RFPL2: variants seen among roughly 807,000 people sequenced by gnomAD.
The protein encoded by RFPL2 is ret finger protein-like 2.
In RFPL2, 13 loss-of-function variants were observed where a neutral mutation model predicts 17.8. That is an observed-to-expected ratio of 0.73 (90% CI 0.47 to 1.16). RFPL2 has a LOEUF of 1.16. Among genes scored for constraint, RFPL2 ranks in the 50% most tolerant of loss-of-function variants. The pLI is 0.00. For synonymous variants in RFPL2, 189 were observed against 180.9 expected, an observed-to-expected ratio of 1.04 and a Z score of -0.36; for missense variants, 431 against 479.3, an observed-to-expected ratio of 0.90 and a Z score of 0.94.
chr22:32,200,214 G>GC (rs953269998), intron 2 of RFPL2: 7 of 341,722 alleles, frequency 2.0e-5, no homozygotes, highest in Non-Finnish European at 3.5e-5. Context: ...GAAGACAGTG[G>GC]CCCCTGAAGA....
At chr22:32,191,583 C>A (rs537563483) in intron 4 of RFPL2, among the ~76,000 whole-genome samples, 71 of 152,292 alleles carry the variant, frequency 4.7e-4, no homozygotes, top group African/African-American at 1.6e-3. Context: ...TACTTTATGT[C>A]ATGTGTTTGC....
intron 1 of RFPL2, chr22:32,203,484 C>T (rs1289524112): frequency 6.6e-6 from 1 of 152,160 alleles, no homozygotes; most frequent in East Asian, 1.9e-4. Flanking sequence ...GATAGGGCAC[C>T]CAATCTGCCA....
Position 32,202,421 on chromosome 22 carries a change from T to A in RFPL2, c.31A>T (p.Thr11Ser). 1.2e-6 allele frequency: 2 copies of A among 1,601,798 alleles called. No individual in the cohort carries two copies. Among genetic ancestry groups the A allele is most frequent in the Non-Finnish European group, 1.7e-6 (2 of 1,174,222 alleles). ...CAGATCCTGGATTGGGACACTGCAG[T>A]CTCTGGGAAGCCTAATTCAGCCACC... MEVAELGFPETAVSQSRICLC... is the reference protein window; with the variant it reads MEVAELGFPESAVSQSRICLC... The change falls in exon 2 of 5, where the codon ACT becomes TCT. Residue 11 changes from threonine to serine, a missense_variant. Physicochemically the swap from Thr to Ser is moderately conservative, Grantham distance 58 (BLOSUM62 1). Coordinates refer to ENST00000652607, the MANE Select transcript of RFPL2 (RefSeq NM_001394555.1).
chr22:32,193,534 C>A (rs1922951673), intron 3 of RFPL2: 2 of 1,342,034 alleles, frequency 1.5e-6, no homozygotes, highest in Non-Finnish European at 1.9e-6. Flanking sequence ...CCTAGGGGAA[C>A]CCCAGCAAGA....
At chr22:32,204,419 A>G (rs1352795930) in intron 1 of RFPL2, among the ~76,000 whole-genome samples, 1 of 151,868 alleles carries the variant, frequency 6.6e-6, no homozygotes, top group African/African-American at 2.4e-5. Flanking sequence ...GCAGCACCCA[A>G]TACTGCCCCT....
At chr22:32,201,840 G>C (rs897022809) in intron 2 of RFPL2, among the ~76,000 whole-genome samples, 1 of 152,198 alleles carries the variant, frequency 6.6e-6, no homozygotes, top group Admixed American at 6.5e-5. Flanking sequence ...CACTGTGGGT[G>C]GGGCCAGGGA....
At chr22:32,195,915 C>T (rs1923282066) in intron 2 of RFPL2, among the ~76,000 whole-genome samples, 1 of 152,088 alleles carries the variant, frequency 6.6e-6, no homozygotes, top group African/African-American at 2.4e-5. Flanking sequence ...GACCTCTCCC[C>T]AAGCTCCCCT....
rs12170162 is a variant in RFPL2, at chr22:32,194,027, G to A, written c.265+318C>T. Among the ~76,000 whole-genome samples the A allele has an allele frequency of 4.5e-3, 680 of 152,004 alleles. 4 individuals are homozygous for A. Among genetic ancestry groups the A allele is most frequent in the African/African-American group, 0.015 (607 of 41,456 alleles). On this transcript the variant is annotated intron_variant, in intron 3 of 4. Transcript: ENST00000652607. Reference sequence around the variant, plus strand: ...GTCTCTACAAATAATACAAAAATTAGCAGAGAGCAGAGATCACGCCAAGTC... The same window carrying A: ...GTCTCTACAAATAATACAAAAATTAACAGAGAGCAGAGATCACGCCAAGTC...
chr22:32,202,686 A>G, intron 1 of RFPL2, 136 bp from the exon 2 acceptor site: 1 of 1,342,022 alleles, frequency 7.5e-7, no homozygotes, highest in Non-Finnish European at 9.6e-7. Context: ...CAAGCTGGCC[A>G]GGAACTGCGG....
rs2057694823 is a variant in RFPL2, at chr22:32,196,392, TA to T, written c.120-1903del. On this transcript the variant is annotated intron_variant, in intron 2 of 4. Coordinates refer to ENST00000652607, the MANE Select transcript of RFPL2 (RefSeq NM_001394555.1). Reference sequence around the variant, plus strand: ...TTAAAAGACCTACATTTAGTTCTATTAAAAAATGATTTACAGTGGGATGAGA... The same window carrying T: ...TTAAAAGACCTACATTTAGTTCTATTAAAAATGATTTACAGTGGGATGAGA... Among the ~76,000 whole-genome samples the T allele has an allele frequency of 2.0e-5, 3 of 152,220 alleles. No individual in the cohort carries two copies. In the South Asian group the frequency reaches 6.2e-4, roughly 31 times the overall value.
chr22:32,192,884 G>C lies in RFPL2; in HGVS notation c.556+18C>G. The C allele has an allele frequency of 6.3e-7, 1 of 1,597,270 alleles. No individual in the cohort carries two copies. The stretch of plus-strand genomic sequence containing the variant: ...TGGTCTGGTCTTGGGAAGGGGGCAG[G>C]GTATACAGATGCCTTACCTTGGAAC... On this transcript the variant is annotated intron_variant, in intron 4 of 4. Coordinates refer to ENST00000652607, the MANE Select transcript of RFPL2 (RefSeq NM_001394555.1).
intron 1 of RFPL2, among the ~76,000 whole-genome samples, chr22:32,203,830 T>C (rs973437232): frequency 1.0e-4 from 15 of 149,214 alleles, no homozygotes; most frequent in Admixed American, 1.0e-3. Flanking sequence ...CCCCCGCCGC[T>C]GTGGGAAATG....
At chr22:32,195,606 C>T (rs922398370) in intron 2 of RFPL2, among the ~76,000 whole-genome samples, 4 of 151,862 alleles carry the variant, frequency 2.6e-5, no homozygotes, top group Admixed American at 6.6e-5. Flanking sequence ...CAGGCATGTG[C>T]CACCATGCCT....
At chr22:32,200,465 G>C (rs190772107) in intron 2 of RFPL2, among the ~76,000 whole-genome samples, 1 of 152,170 alleles carries the variant, frequency 6.6e-6, no homozygotes, top group Non-Finnish European at 1.5e-5. Context: ...CTGGCACCCA[G>C]TGGGATAGTA....
intron 2 of RFPL2, among the ~76,000 whole-genome samples, chr22:32,196,012 TC>T (rs561467990): frequency 5.3e-4 from 81 of 152,070 alleles, no homozygotes; most frequent in African/African-American, 1.9e-3. Context: ...CTCCCCAAGC[TC>T]CCCTGCCCCT....
At chr22:32,194,872 A>G (rs1432524975) in intron 2 of RFPL2, among the ~76,000 whole-genome samples, 1 of 152,200 alleles carries the variant, frequency 6.6e-6, no homozygotes, top group Non-Finnish European at 1.5e-5. Flanking sequence ...CCATTGGTTT[A>G]TTTCCGGCTT....
At chr22:32,196,305 A>T (rs1603206406) in intron 2 of RFPL2, among the ~76,000 whole-genome samples, 1 of 152,126 alleles carries the variant, frequency 6.6e-6, no homozygotes, top group East Asian at 1.9e-4. Context: ...AATATAATCT[A>T]TTTCCCTCTC....
intron 2 of RFPL2, among the ~76,000 whole-genome samples, chr22:32,195,627 T>A (rs925616186): frequency 6.6e-6 from 1 of 151,904 alleles, no homozygotes; most frequent in Non-Finnish European, 1.5e-5. Flanking sequence ...GGCTAATTTT[T>A]TTTTTTTTTT....
chr22:32,193,035 G>T lies in RFPL2; in HGVS notation c.423C>A (p.Cys141Ter), dbSNP rs1441222414. ...EPHGEDLLCC[C>*]SSMVSRKNKI... ...TGTTCTTCCGAGAGACCATGGAAGA[G>T]CAACAGCAAAGTAGATCCTCCCCAT... The change falls in exon 4 of 5, where the codon TGC (cysteine) becomes TGA (stop). Residue 141 changes from cysteine to a stop codon, truncating the protein, a stop_gained. Coordinates refer to ENST00000652607, the MANE Select transcript of RFPL2 (RefSeq NM_001394555.1). LOFTEE classifies it high-confidence loss of function. 9 of 1,613,934 alleles carry T rather than the reference G, an allele frequency of 5.6e-6. No homozygotes were observed. Among genetic ancestry groups the T allele is most frequent in the Middle Eastern group, 3.3e-4 (2 of 6,080 alleles).
Sources: gnomAD v4.1 joint callset for allele counts (sites outside exome capture counted in the v4.1 genomes callset) on GRCh38, gnomAD v4.1.1 for gene constraint, MANE v1.5 for transcripts, NCBI Gene and HGNC (gene_info 2026-07-23, HGNC 2026-07-21) for gene names.